ALOX5AP: variants seen among roughly 807,000 people sequenced by gnomAD.
ALOX5AP encodes the protein arachidonate 5-lipoxygenase activating protein.
A neutral mutation model predicts 18.5 loss-of-function variants in ALOX5AP; 9 were observed. That is an observed-to-expected ratio of 0.49 (90% CI 0.29 to 0.85). The LOEUF is 0.85. Among genes scored for constraint, ALOX5AP ranks in the 40% least tolerant of loss-of-function variants. The probability of loss-of-function intolerance (pLI) is 0.08; values close to 1 mark genes in which losing one functional copy is unlikely to be tolerated. For missense variants in ALOX5AP, 172 were observed against 202.5 expected, an observed-to-expected ratio of 0.85 and a Z score of 0.91; for synonymous variants, 81 against 78.6, an observed-to-expected ratio of 1.03 and a Z score of -0.16.
chr13:30,713,981 G>A (rs1197916259), intron 1 of ALOX5AP: 8 of 881,824 alleles, frequency 9.1e-6, no homozygotes, highest in East Asian at 2.7e-5. Flanking sequence ...CAGCTAGAGT[G>A]GCCCCAGGAT....
chr13:30,739,368 G>T (rs866493000), intron 1 of ALOX5AP, among the ~76,000 whole-genome samples: 2 of 152,170 alleles, frequency 1.3e-5, no homozygotes, highest in South Asian at 2.1e-4. Context: ...TTATTCCCCT[G>T]CACCCAGGAC....
At chr13:30,748,870 G>A (rs1029983304) in intron 2 of ALOX5AP, among the ~76,000 whole-genome samples, 6 of 152,190 alleles carry the variant, frequency 3.9e-5, no homozygotes, top group African/African-American at 1.4e-4. Context: ...CATGGCATTG[G>A]GCCCAGACCA....
chr13:30,750,123 A>T (rs1408197026), intron 2 of ALOX5AP, among the ~76,000 whole-genome samples: 1 of 152,160 alleles, frequency 6.6e-6, no homozygotes, highest in Non-Finnish European at 1.5e-5. Flanking sequence ...GGGTGTGAAC[A>T]TTTGCATTTC....
chr13:30,727,067 T>G (rs1233926960), intron 1 of ALOX5AP, among the ~76,000 whole-genome samples: 1 of 152,026 alleles, frequency 6.6e-6, no homozygotes, highest in African/African-American at 2.4e-5. Flanking sequence ...TGCCTTTTTT[T>G]TTTTTTTCCA....
At position 30,764,199 on chromosome 13, in the gene ALOX5AP, A is replaced by G. The variant is rs200824730; in HGVS notation, c.*93A>G. Reference sequence around the variant, plus strand: ...TTGAGAGCATTCTGCTCTTCTTTAGATGGCTGTAAATCTATTGGCCATCTG... The same window carrying G: ...TTGAGAGCATTCTGCTCTTCTTTAGGTGGCTGTAAATCTATTGGCCATCTG... On this transcript the variant is annotated 3_prime_UTR_variant, in exon 5 of 5. Coordinates refer to ENST00000380490, the MANE Select transcript of ALOX5AP (RefSeq NM_001629.4). 5 of 1,376,832 alleles carry G rather than the reference A, an allele frequency of 3.6e-6. No individual in the cohort carries two copies. Among genetic ancestry groups the G allele is most frequent in the Non-Finnish European group, 4.9e-6 (5 of 1,017,310 alleles). The allele number at this position is 1,376,832 out of a possible 1,614,324, so 85.3% of individuals were successfully genotyped here. A position where few individuals can be genotyped will look rare whatever the true frequency, so the allele number is the denominator to read the frequency against.
chr13:30,748,798 C>CA (rs1351933297), intron 2 of ALOX5AP, among the ~76,000 whole-genome samples: 1 of 152,160 alleles, frequency 6.6e-6, no homozygotes, highest in African/African-American at 2.4e-5. Flanking sequence ...TGTAGATGAG[C>CA]AAACTGAGGC....
chr13:30,736,999 T>C (rs1199200396), intron 1 of ALOX5AP, among the ~76,000 whole-genome samples: 2 of 152,168 alleles, frequency 1.3e-5, no homozygotes, highest in African/African-American at 4.8e-5. Flanking sequence ...ACAAAACAGC[T>C]ACAGTGATGG....
chr13:30,762,426 C>CA (rs1951949247), intron 4 of ALOX5AP, among the ~76,000 whole-genome samples: 1 of 151,634 alleles, frequency 6.6e-6, no homozygotes, highest in Admixed American at 6.6e-5. Context: ...CCATCTCTAC[C>CA]AAAAATACAA....
intron 1 of ALOX5AP, 31 bp downstream of exon 1, chr13:30,735,706 A>G (rs1951715711): frequency 6.2e-7 from 1 of 1,609,624 alleles, no homozygotes; most frequent in Admixed American, 1.7e-5. Context: ...AGGGAAGAAC[A>G]GAAGGGGAGA....
chr13:30,736,789 A>G (rs545824327), intron 1 of ALOX5AP, among the ~76,000 whole-genome samples: 1 of 152,328 alleles, frequency 6.6e-6, no homozygotes, highest in East Asian at 1.9e-4. Flanking sequence ...TTTATACTAA[A>G]TTACACACAA....
intron 3 of ALOX5AP, among the ~76,000 whole-genome samples, chr13:30,754,785 A>T (rs1377601455): frequency 6.6e-6 from 1 of 152,220 alleles, no homozygotes; most frequent in Admixed American, 6.5e-5. Flanking sequence ...GAGATGATCT[A>T]GGAAAAAGAC....
upstream of ALOX5AP, chr13:30,735,440 A>C (rs922128732): frequency 6.9e-6 from 5 of 719,652 alleles, no homozygotes; most frequent in African/African-American, 6.1e-5. Context: ...TAGTTAAAAA[A>C]AAAAAAAAAA....
chr13:30,753,864 G>C (rs1288153627), intron 3 of ALOX5AP, among the ~76,000 whole-genome samples: 1 of 152,202 alleles, frequency 6.6e-6, no homozygotes, highest in East Asian at 1.9e-4. Flanking sequence ...CAGTAAGTTG[G>C]AGCAGAATCA....
rs147072858 is a variant in ALOX5AP at position 30,763,026 on chromosome 13, C to T, written c.324-918C>T. Among the ~76,000 whole-genome samples the T allele has an allele frequency of 2.5e-4, 38 of 152,138 alleles. No homozygotes were observed. In the East Asian group the frequency reaches 4.1e-3, roughly 16 times the overall value. On this transcript the variant is annotated intron_variant, in intron 4 of 4. Transcript: ENST00000380490. ...GATAGAGTATATTAAAACATGTCTC[C>T]GCTAGGCATGGTGGTTTACGCCTAT...
intron 4 of ALOX5AP, among the ~76,000 whole-genome samples, chr13:30,762,180 A>T (rs955045579): frequency 5.3e-5 from 8 of 152,134 alleles, no homozygotes; most frequent in Non-Finnish European, 2.9e-5. Flanking sequence ...GAGATTTCCC[A>T]TTTCTGACAA....
rs545380502 is a variant in ALOX5AP at position 30,764,414 on chromosome 13, T to C, written c.*308T>C. On this transcript the variant is annotated 3_prime_UTR_variant, in exon 5 of 5. Transcript: ENST00000380490. ...TTTCTTAAAATAAAATGCAGAGACA[T>C]GTTTTAAGCTGATAGTTGAGGGGTT... 3.8e-6 allele frequency: 1 copy of C among 263,954 alleles called. No homozygotes were observed. Among genetic ancestry groups the C allele is most frequent in the Non-Finnish European group, 7.1e-6 (1 of 140,780 alleles). 16.4% of individuals were successfully genotyped at this position (263,954 alleles called of 1,614,324 possible).
At chr13:30,725,368 A>G (rs908346834) in intron 1 of ALOX5AP, among the ~76,000 whole-genome samples, 3 of 152,386 alleles carry the variant, frequency 2.0e-5, no homozygotes, top group East Asian at 3.9e-4. Flanking sequence ...GCTGAATAAG[A>G]TGATTCATTC....
At chr13:30,732,509 T>C (rs4073261), upstream of ALOX5AP, among the ~76,000 whole-genome samples, 21,804 of 152,192 alleles carry the variant, frequency 0.14, 1,596 homozygotes, top group South Asian at 0.23. Context: ...CTCCCAATTT[T>C]TATTTGCGGG....
At chr13:30,759,537 G>T (rs1481003123) in intron 4 of ALOX5AP, among the ~76,000 whole-genome samples, 1 of 152,160 alleles carries the variant, frequency 6.6e-6, no homozygotes, top group Non-Finnish European at 1.5e-5. Flanking sequence ...GAGACCCAAG[G>T]TGTCTCCTAG....
Sources: allele counts gnomAD v4.1 joint callset (sites outside exome capture counted in the v4.1 genomes callset), GRCh38; gene constraint gnomAD v4.1.1; transcripts MANE v1.5; gene names NCBI Gene and HGNC (gene_info 2026-07-23, HGNC 2026-07-21).